HTR7: variants seen among roughly 807,000 people sequenced by gnomAD.
HTR7 encodes the protein 5-hydroxytryptamine receptor 7, also known as 5-HT-7.
A neutral mutation model predicts 34.0 loss-of-function variants in HTR7; 16 were observed. The observed-to-expected ratio is 0.47, with a 90% CI of 0.32 to 0.71. The LOEUF (loss-of-function observed/expected upper bound fraction) is 0.71, where lower values mean the gene tolerates loss of function less well. Ranked by LOEUF, HTR7 falls within the 30% of genes least tolerant of loss-of-function variation. The probability of loss-of-function intolerance (pLI) is 0.04; values close to 1 mark genes in which losing one functional copy is unlikely to be tolerated. For synonymous variants in HTR7, 265 were observed against 260.2 expected (o/e 1.02, Z -0.18); for missense variants, 504 against 625.5 (o/e 0.81, Z 2.07).
chr10:90,856,066 G>A (rs1846575379), intron 1 of HTR7, among the ~76,000 whole-genome samples: 1 of 152,060 alleles, frequency 6.6e-6, no homozygotes, highest in African/African-American at 2.4e-5. Context: ...GTCATTTTAA[G>A]TGTGGAGGCA....
intron 1 of HTR7, among the ~76,000 whole-genome samples, chr10:90,813,347 C>A (rs989877328): frequency 6.6e-6 from 1 of 152,070 alleles, no homozygotes; most frequent in African/African-American, 2.4e-5. Flanking sequence ...CATGGTGAAA[C>A]CCCATCTCTA....
At chr10:90,767,795 TA>T (rs1845046404) in intron 1 of HTR7, among the ~76,000 whole-genome samples, 2 of 152,150 alleles carry the variant, frequency 1.3e-5, no homozygotes, top group South Asian at 4.1e-4. Flanking sequence ...ATAGTTAGCC[TA>T]GGCTTCCTCA....
Position 90,743,703 on chromosome 10 carries a change from G to A in HTR7, c.1296-13C>T. On this transcript the variant is annotated splice_polypyrimidine_tract_variant and intron_variant, in intron 2 of 3. Transcript: ENST00000336152. ...TGTGCAGGCCCTCCTGCAATTTATG[G>A]CAATTCAAAGCAAATCCATAAGTAA... 6.4e-7 allele frequency: 1 copy of A among 1,569,984 alleles called. No individual in the cohort carries two copies. The highest frequency in any genetic ancestry group is 8.8e-7 in the Non-Finnish European group (1 of 1,140,610).
At chr10:90,804,836 G>C (rs1415676199) in intron 1 of HTR7, among the ~76,000 whole-genome samples, 1 of 152,032 alleles carries the variant, frequency 6.6e-6, no homozygotes, top group South Asian at 2.1e-4. Flanking sequence ...AATCCTGTCT[G>C]TTCCTCCTTC....
In HTR7 at chr10:90,749,672, A is replaced by C; in HGVS notation, c.540-78T>G. 1 of 1,404,056 alleles carries C rather than the reference A, an allele frequency of 7.1e-7. No homozygotes were observed. Among genetic ancestry groups the C allele is most frequent in the Non-Finnish European group, 9.7e-7 (1 of 1,028,484 alleles). The allele number at this position is 1,404,056 out of a possible 1,614,324, so 87.0% of individuals were successfully genotyped here. ...ACCAAGCAAGTCCTGCCAGCCAGGT[A>C]CCAGCGCCAGTCCTCGCAACAGCCC... is the stretch of plus-strand genomic sequence containing the variant. On this transcript the variant is annotated intron_variant, in intron 1 of 3. Transcript: ENST00000336152. The surrounding 1 kb of genome is among the most constrained non-coding windows in gnomAD (Gnocchi z 4.2).
chr10:90,789,211 G>A (rs577146967), intron 1 of HTR7, among the ~76,000 whole-genome samples: 9 of 152,204 alleles, frequency 5.9e-5, no homozygotes, highest in Admixed American at 2.6e-4. Context: ...TCTATGCTCT[G>A]CATTGTTATA....
chr10:90,748,889 C>A lies in HTR7; in HGVS notation c.1245G>T (p.Met415Ile). The change falls in exon 2 of 4, where the codon ATG becomes ATT. Residue 415 changes from methionine to isoleucine, a missense_variant. By Grantham distance (10) the Met-to-Ile change is conservative (BLOSUM62 1). This residue lies in a region of HTR7 where 154 missense variants were observed against 212.1 expected (regional missense o/e 0.73). Coordinates refer to ENST00000336152, the MANE Select transcript of HTR7 (RefSeq NM_019859.4). ...NINRKLSAAG[M>I]HEALKLAERP... ...TCTCAGCAAGCTTCAGGGCTTCATG[C>A]ATGCCTGCAGCTGAGAGCTTCCGGT... is the stretch of plus-strand genomic sequence containing the variant. 1 of 1,614,178 alleles carries A rather than the reference C, an allele frequency of 6.2e-7. No individual in the cohort carries two copies. The highest frequency in any genetic ancestry group is 8.5e-7 in the Non-Finnish European group (1 of 1,179,998).
At chr10:90,822,618 T>C (rs1846002288) in intron 1 of HTR7, among the ~76,000 whole-genome samples, 1 of 152,244 alleles carries the variant, frequency 6.6e-6, no homozygotes, top group Non-Finnish European at 1.5e-5. Flanking sequence ...TTTGAGTTGG[T>C]TGCAGCAATT....
intron 1 of HTR7, among the ~76,000 whole-genome samples, chr10:90,819,336 T>A (rs939697226): frequency 2.6e-5 from 4 of 152,188 alleles, no homozygotes; most frequent in African/African-American, 4.8e-5. Flanking sequence ...AAAAACTTTT[T>A]AAAAATATAT....
chr10:90,848,677 T>C (rs1319554549), intron 1 of HTR7, among the ~76,000 whole-genome samples: 1 of 152,232 alleles, frequency 6.6e-6, no homozygotes, highest in African/African-American at 2.4e-5. Context: ...ATCAGACTCA[T>C]TATAGTATAC....
intron 1 of HTR7, among the ~76,000 whole-genome samples, chr10:90,832,894 T>G (rs1260246321): frequency 6.6e-6 from 1 of 152,158 alleles, no homozygotes; most frequent in Non-Finnish European, 1.5e-5. Flanking sequence ...GCACAGCCAG[T>G]GCAAGGTGGG....
chr10:90,856,295 G>C (rs1311845188), intron 1 of HTR7, among the ~76,000 whole-genome samples: 1 of 152,228 alleles, frequency 6.6e-6, no homozygotes. Flanking sequence ...ACTTCAAGTT[G>C]TCAACTGCAT....
chr10:90,853,320 C>G (rs1452261164), intron 1 of HTR7, among the ~76,000 whole-genome samples: 1 of 132,470 alleles, frequency 7.5e-6, no homozygotes, highest in Admixed American at 8.3e-5. Context: ...GTGCCTCACT[C>G]TATTGCCCAG....
At chr10:90,811,748 GC>G (rs1406728070) in intron 1 of HTR7, among the ~76,000 whole-genome samples, 2 of 152,124 alleles carry the variant, frequency 1.3e-5, no homozygotes, top group Middle Eastern at 3.4e-3. Context: ...TACTCAACAT[GC>G]CCCGAGTCAG....
At chr10:90,824,748 G>A (rs1846043712) in intron 1 of HTR7, among the ~76,000 whole-genome samples, 1 of 152,250 alleles carries the variant, frequency 6.6e-6, no homozygotes, top group Non-Finnish European at 1.5e-5. Context: ...TTCCTCATGG[G>A]CCTGGGGTAA....
At chr10:90,808,146 G>T (rs965152046) in intron 1 of HTR7, among the ~76,000 whole-genome samples, 1 of 152,158 alleles carries the variant, frequency 6.6e-6, no homozygotes, top group Admixed American at 6.5e-5. Context: ...GTCAGATCAC[G>T]CAGGGACGCC....
At chr10:90,815,955 A>AGGGAC (rs929978007) in intron 1 of HTR7, among the ~76,000 whole-genome samples, 1 of 152,204 alleles carries the variant, frequency 6.6e-6, no homozygotes, top group Non-Finnish European at 1.5e-5. Context: ...TGCCTTGCTA[A>AGGGAC]GGGACATTAA....
chr10:90,777,479 T>TGAAAA (rs1447970915), intron 1 of HTR7, among the ~76,000 whole-genome samples: 1 of 88,562 alleles, frequency 1.1e-5, no homozygotes, highest in African/African-American at 5.2e-5. Context: ...AGACTCCGTC[T>TGAAAA]CAAAAAAAAA....
chr10:90,816,965 G>A (rs943073000), intron 1 of HTR7, among the ~76,000 whole-genome samples: 1 of 152,118 alleles, frequency 6.6e-6, no homozygotes, highest in African/African-American at 2.4e-5. Context: ...ATGCCATCTG[G>A]CCTAGAACAC....
Sources: allele counts gnomAD v4.1 joint callset (sites outside exome capture counted in the v4.1 genomes callset), GRCh38; gene constraint gnomAD v4.1.1; regional missense constraint gnomAD v4.1.1; non-coding constraint Gnocchi (gnomAD v3.1); transcripts MANE v1.5; gene names NCBI Gene and HGNC (gene_info 2026-07-23, HGNC 2026-07-21).